The following HEATR4 variants were observed in gnomAD, a reference collection of about 807,000 sequenced individuals.
The protein encoded by HEATR4 is HEAT repeat containing 4, also known as HEAT repeat-containing protein 4.
A neutral mutation model predicts 108.8 loss-of-function variants in HEATR4; 95 were observed. The observed-to-expected ratio is 0.87, with a 90% CI of 0.74 to 1.04. The LOEUF is 1.04. Among genes scored for constraint, HEATR4 ranks in the 50% least tolerant of loss-of-function variants. HEATR4 has a pLI of 0.00. For missense variants in HEATR4, 1,152 were observed against 1,253.8 expected, an observed-to-expected ratio of 0.92 and a Z score of 1.23; for synonymous variants, 443 against 459.4, an observed-to-expected ratio of 0.96 and a Z score of 0.46.
the HEATR4 span, among the ~76,000 whole-genome samples, chr14:73,614,228 G>C: frequency 6.6e-6 from 1 of 151,840 alleles, no homozygotes; most frequent in Admixed American, 6.6e-5. Context: ...ACAAATTCTA[G>C]AGTTGCAACA....
chr14:73,522,239 T>A, intron 3 of HEATR4, 33 bp downstream of exon 3: 1 of 1,592,568 alleles, frequency 6.3e-7, no homozygotes, highest in Non-Finnish European at 8.6e-7. Context: ...TCAGGGATTA[T>A]CAAAGGTGCA....
the HEATR4 span, among the ~76,000 whole-genome samples, chr14:73,593,384 G>A: frequency 4.2e-5 from 5 of 119,976 alleles, no homozygotes; most frequent in Non-Finnish European, 6.3e-5. Context: ...TGTTGCCCAC[G>A]CTGGAGTGCA....
At position 73,536,304 on chromosome 14, in the gene HEATR4, G is replaced by GAA. The variant is rs555784262; in HGVS notation, c.-151-6062_-151-6061dup. ...GAGGGGCCTAAAGCTTAAGTTTGAT[G>GAA]AAAAAAAAAAACCACCTCTGGTTGG... is the stretch of plus-strand genomic sequence containing the variant. On this transcript the variant is annotated intron_variant, in intron 1 of 17. Transcript: ENST00000553558. Among the ~76,000 whole-genome samples, 441 of 99,612 alleles carry GAA rather than the reference G, an allele frequency of 4.4e-3. 12 individuals are homozygous for GAA. Among genetic ancestry groups the GAA allele is most frequent in the African/African-American group, 0.013 (401 of 30,798 alleles). The allele number at this position is 99,612 out of a possible 152,430, so 65.3% of individuals were successfully genotyped here. A position where few individuals can be genotyped will look rare whatever the true frequency, so the allele number is the denominator to read the frequency against.
At chr14:73,496,716 C>T (rs1886129346) in intron 14 of HEATR4, 37 bp from the exon 15 acceptor site, 10 of 1,165,758 alleles carry the variant, frequency 8.6e-6, no homozygotes, top group Non-Finnish European at 1.3e-5. Flanking sequence ...TTATTCTACC[C>T]TGCCCTTTAA....
At chr14:73,478,927 A>T in intron 17 of HEATR4, 85 bp from the exon 18 acceptor site, 3 of 979,278 alleles carry the variant, frequency 3.1e-6, no homozygotes, top group Non-Finnish European at 4.6e-6. Context: ...CTCTTTGGCT[A>T]TAGGGTGTCT....
chr14:73,630,160 A>G, the HEATR4 span, among the ~76,000 whole-genome samples: 2 of 152,210 alleles, frequency 1.3e-5, no homozygotes, highest in African/African-American at 4.8e-5. Flanking sequence ...GAAGACGCAG[A>G]TAAGCTACCA....
the HEATR4 span, chr14:73,595,120 C>A: frequency 6.2e-7 from 1 of 1,614,186 alleles, no homozygotes; most frequent in Admixed American, 1.7e-5. Flanking sequence ...TGGCCTCATT[C>A]TTGAAGAATG....
At chr14:73,583,567 T>G in the HEATR4 span, among the ~76,000 whole-genome samples, 1 of 151,918 alleles carries the variant, frequency 6.6e-6, no homozygotes, top group East Asian at 1.9e-4. Context: ...CCACGTTGCC[T>G]CTCTAAACTG....
chr14:73,595,739 A>C, the HEATR4 span: 3 of 1,421,700 alleles, frequency 2.1e-6, no homozygotes, highest in Non-Finnish European at 2.8e-6. Flanking sequence ...TCTCCTGGAT[A>C]ACATTAAAGC....
Position 73,492,751 on chromosome 14 carries a change from T to C in HEATR4, c.2844+315A>G, listed in dbSNP as rs779248928. The C allele has an allele frequency of 3.1e-6, 5 of 1,613,968 alleles. No homozygotes were observed. Among genetic ancestry groups the C allele is most frequent in the Admixed American group, 1.7e-5 (1 of 59,998 alleles). ...CAGTGGAAAACTCCCGTGTGTATCA[T>C]CTGGAAGAACCCAAGTGCTTGGAAA... On this transcript the variant is annotated intron_variant, in intron 17 of 17. Coordinates refer to ENST00000553558, the MANE Select transcript of HEATR4 (RefSeq NM_001220484.1). The surrounding 1 kb of genome is among the most constrained non-coding windows in gnomAD (Gnocchi z 4.9).
At chr14:73,559,899 G>T (rs537225707), upstream of HEATR4, among the ~76,000 whole-genome samples, 6 of 152,104 alleles carry the variant, frequency 3.9e-5, 1 homozygote, top group Non-Finnish European at 8.8e-5. Context: ...AGATGGTAAA[G>T]TAGAAGCTGT....
chr14:73,558,454 T>C (rs1347925160), intron 1 of HEATR4, among the ~76,000 whole-genome samples: 1 of 134,628 alleles, frequency 7.4e-6, no homozygotes, highest in Non-Finnish European at 1.6e-5. Flanking sequence ...CCTCCTGGGC[T>C]CAAGCAATCC....
rs1228584191 is a variant in HEATR4 at position 73,492,288 on chromosome 14, A to C, written c.2844+778T>G. ...CTGCACCTCACCTTGTCCACGTACC[A>C]GCGCAATACCTGGGGTGACTTCTTA... On this transcript the variant is annotated intron_variant, in intron 17 of 17. Transcript: ENST00000553558. The surrounding 1 kb of genome is among the most constrained non-coding windows in gnomAD (Gnocchi z 4.9). The C allele has an allele frequency of 1.2e-6, 2 of 1,614,032 alleles. No individual in the cohort carries two copies. Among genetic ancestry groups the C allele is most frequent in the Non-Finnish European group, 1.7e-6 (2 of 1,179,900 alleles).
At chr14:73,533,692 A>G (rs1773358387) in intron 1 of HEATR4, among the ~76,000 whole-genome samples, 1 of 110,112 alleles carries the variant, frequency 9.1e-6, no homozygotes. Context: ...CTGGAAATGG[A>G]TAATGGTGAT....
chr14:73,572,318 CATCT>C, the HEATR4 span, among the ~76,000 whole-genome samples: 7 of 151,554 alleles, frequency 4.6e-5, no homozygotes, highest in African/African-American at 1.5e-4. Context: ...CAAGAATCAA[CATCT>C]ATCAAGATAT....
chr14:73,595,285 C>T, the HEATR4 span: 37 of 1,614,146 alleles, frequency 2.3e-5, no homozygotes, highest in African/African-American at 6.7e-5. Context: ...GGAATGCTCT[C>T]GTAGGAGGGT....
At chr14:73,522,228 G>T in intron 3 of HEATR4, 44 bp downstream of exon 3, 1 of 1,575,980 alleles carries the variant, frequency 6.3e-7, no homozygotes, top group Non-Finnish European at 8.6e-7. Flanking sequence ...CTAAAGGGGA[G>T]TCAGGGATTA....
At chr14:73,592,031 C>G in the HEATR4 span, 2 of 1,447,848 alleles carry the variant, frequency 1.4e-6, no homozygotes, top group Non-Finnish European at 1.8e-6. Context: ...TTGCCGTGCG[C>G]GGCCTGGCCC....
chr14:73,551,989 C>G (rs1440370175), intron 1 of HEATR4, among the ~76,000 whole-genome samples: 1 of 112,776 alleles, frequency 8.9e-6, no homozygotes, highest in Non-Finnish European at 1.9e-5. Flanking sequence ...AGAGAAGAAT[C>G]ATGAGAAAGA....
Sources: allele counts gnomAD v4.1 joint callset (sites outside exome capture counted in the v4.1 genomes callset), GRCh38; gene constraint gnomAD v4.1.1; non-coding constraint Gnocchi (gnomAD v3.1); transcripts MANE v1.5; gene names NCBI Gene and HGNC (gene_info 2026-07-23, HGNC 2026-07-21).